Variants in AGBL4 observed in about 807,000 individuals in gnomAD.
The protein encoded by AGBL4 is AGBL carboxypeptidase 4.
Under a neutral mutation model 66.4 loss-of-function variants are expected in AGBL4, and 58 were observed. That is an observed-to-expected ratio of 0.87 (90% CI 0.71 to 1.09). The LOEUF (loss-of-function observed/expected upper bound fraction) is 1.09, where lower values mean the gene tolerates loss of function less well. Among genes scored for constraint, AGBL4 ranks in the 50% least tolerant of loss-of-function variants. AGBL4 has a pLI of 0.00. For synonymous variants in AGBL4, 234 were observed against 222.9 expected (o/e 1.05, Z -0.44); for missense variants, 579 against 631.0 (o/e 0.92, Z 0.88).
intron 3 of AGBL4, among the ~76,000 whole-genome samples, chr1:49,695,986 A>C (rs1646975774): frequency 6.6e-6 from 1 of 152,118 alleles, no homozygotes; most frequent in Non-Finnish European, 1.5e-5. Flanking sequence ...CAGTTGAGAT[A>C]AAATGATGAG....
rs1176975596 is a variant in AGBL4, at chr1:49,756,104, AT to A, written c.158-58668del. Among the ~76,000 whole-genome samples the A allele has an allele frequency of 3.3e-5, 5 of 152,098 alleles. No individual in the cohort carries two copies. In the East Asian group the frequency reaches 5.8e-4, roughly 18 times the overall value. On this transcript the variant is annotated intron_variant, in intron 2 of 13. Coordinates refer to ENST00000371839, the MANE Select transcript of AGBL4 (RefSeq NM_032785.4). ...TTATTTGAAATTATAAATTAAAAAA[AT>A]TTTTTTGAAATATCAATATAATTGC...
chr1:48,907,138 C>A (rs1652670885), intron 5 of AGBL4, among the ~76,000 whole-genome samples: 1 of 152,132 alleles, frequency 6.6e-6, no homozygotes, highest in Non-Finnish European at 1.5e-5. Context: ...ATATGAAAAG[C>A]ATTTTGCGAG....
intron 5 of AGBL4, among the ~76,000 whole-genome samples, chr1:48,911,262 G>C (rs552781119): frequency 6.6e-6 from 1 of 152,288 alleles, no homozygotes; most frequent in South Asian, 2.1e-4. Context: ...TCCTCCACTA[G>C]CTAGCAGGTG....
intron 3 of AGBL4, among the ~76,000 whole-genome samples, chr1:49,391,710 G>A (rs369181153): frequency 4.6e-5 from 7 of 151,644 alleles, no homozygotes; most frequent in Non-Finnish European, 8.8e-5. Flanking sequence ...TACAGGCACC[G>A]GCCACCACAC....
At chr1:49,483,854 T>C (rs2148730895) in intron 3 of AGBL4, among the ~76,000 whole-genome samples, 1 of 151,952 alleles carries the variant, frequency 6.6e-6, no homozygotes, top group East Asian at 1.9e-4. Flanking sequence ...ACTATGCATC[T>C]GACAAGGAAT....
At chr1:49,508,512 C>T (rs1330578018) in intron 3 of AGBL4, among the ~76,000 whole-genome samples, 8 of 151,916 alleles carry the variant, frequency 5.3e-5, no homozygotes, top group Middle Eastern at 3.4e-3. Context: ...TGAGGGCCCA[C>T]GCAGAGGACA....
chr1:49,514,794 C>T (rs1352853323), intron 3 of AGBL4, among the ~76,000 whole-genome samples: 8 of 152,042 alleles, frequency 5.3e-5, no homozygotes, highest in African/African-American at 9.7e-5. Context: ...GGAAACGATT[C>T]CCAATTTAAT....
At chr1:50,006,289 A>G (rs547115675) in intron 1 of AGBL4, among the ~76,000 whole-genome samples, 2 of 151,806 alleles carry the variant, frequency 1.3e-5, no homozygotes, top group South Asian at 2.1e-4. Context: ...CAGTGAGCCA[A>G]GATTGCGCCA....
At chr1:48,693,235 G>A (rs1293353084) in intron 6 of AGBL4, among the ~76,000 whole-genome samples, 1 of 152,050 alleles carries the variant, frequency 6.6e-6, no homozygotes, top group Non-Finnish European at 1.5e-5. Context: ...TGAGTGCCCA[G>A]TGAGCATTGG....
chr1:49,479,446 T>C (rs2148723856), intron 3 of AGBL4, among the ~76,000 whole-genome samples: 1 of 152,074 alleles, frequency 6.6e-6, no homozygotes, highest in Middle Eastern at 3.4e-3. Flanking sequence ...CCTGCTTCCC[T>C]ACTTCCTCCC....
chr1:48,685,128 T>A (rs917920225), intron 6 of AGBL4, among the ~76,000 whole-genome samples: 2 of 152,234 alleles, frequency 1.3e-5, no homozygotes, highest in African/African-American at 4.8e-5. Flanking sequence ...CCAGGAACTG[T>A]CTGGTAGGAA....
chr1:49,008,009 T>C (rs1662011482), intron 5 of AGBL4, among the ~76,000 whole-genome samples: 1 of 152,096 alleles, frequency 6.6e-6, no homozygotes, highest in South Asian at 2.1e-4. Context: ...CATGACAGGA[T>C]CAAATTAACA....
In AGBL4 at chr1:48,571,190, T is replaced by A. The variant is rs76198119; in HGVS notation, c.1267+15814A>T. Among the ~76,000 whole-genome samples, 520 of 152,350 alleles carry A rather than the reference T, an allele frequency of 3.4e-3. 18 individuals are homozygous for A. The East Asian group carries it at 0.083, about 24-fold the overall frequency. ...ATATATGAAGTTCAGAGCAGTGAAG[T>A]AACTTGCCCAAAGTCACACAGGGCC... On this transcript the variant is annotated intron_variant, in intron 11 of 13. Coordinates refer to ENST00000371839, the MANE Select transcript of AGBL4 (RefSeq NM_032785.4).
chr1:49,361,453 T>C (rs1187889253), intron 3 of AGBL4, among the ~76,000 whole-genome samples: 1 of 151,986 alleles, frequency 6.6e-6, no homozygotes, highest in Non-Finnish European at 1.5e-5. Context: ...TCCTCTGGAG[T>C]AGCTGGGACT....
At chr1:49,830,846 A>T (rs1171580903) in intron 2 of AGBL4, among the ~76,000 whole-genome samples, 1 of 152,290 alleles carries the variant, frequency 6.6e-6, no homozygotes, top group African/African-American at 2.4e-5. Flanking sequence ...TTTTCCTAAC[A>T]CCATTTATTA....
chr1:49,225,158 T>C (rs1649816613), intron 4 of AGBL4, among the ~76,000 whole-genome samples: 1 of 152,218 alleles, frequency 6.6e-6, no homozygotes, highest in Non-Finnish European at 1.5e-5. Flanking sequence ...TGGGTATATC[T>C]ACATGCAAAC....
At chr1:49,538,210 C>G (rs924802905) in intron 3 of AGBL4, among the ~76,000 whole-genome samples, 1 of 152,190 alleles carries the variant, frequency 6.6e-6, no homozygotes, top group African/African-American at 2.4e-5. Context: ...AAGTGTGAAT[C>G]AGTGGATGAC....
intron 3 of AGBL4, among the ~76,000 whole-genome samples, chr1:49,498,453 T>C (rs1647814475): frequency 6.6e-6 from 1 of 152,010 alleles, no homozygotes; most frequent in Admixed American, 6.6e-5. Flanking sequence ...GCCTGGATTA[T>C]TTCACTTAGC....
intron 3 of AGBL4, among the ~76,000 whole-genome samples, chr1:49,672,710 C>G (rs1646501388): frequency 6.6e-6 from 1 of 151,748 alleles, no homozygotes; most frequent in Non-Finnish European, 1.5e-5. Context: ...CGCCTGAGGT[C>G]AGGAGTTCAA....
Sources: gnomAD v4.1 joint callset for allele counts (sites outside exome capture counted in the v4.1 genomes callset) on GRCh38, gnomAD v4.1.1 for gene constraint, MANE v1.5 for transcripts, NCBI Gene and HGNC (gene_info 2026-07-23, HGNC 2026-07-21) for gene names.